DACH2: variants seen among roughly 807,000 people sequenced by gnomAD.
The protein encoded by DACH2 is dachshund family transcription factor 2.
Under a neutral mutation model 35.8 loss-of-function variants are expected in DACH2, and 17 were observed. The ratio of observed to expected loss-of-function variants is 0.48; its 90% CI spans 0.33 to 0.71. DACH2 has a LOEUF of 0.71. Ranked by LOEUF, DACH2 falls within the 30% of genes least tolerant of loss-of-function variation. The probability of loss-of-function intolerance (pLI) is 0.02; values close to 1 mark genes in which losing one functional copy is unlikely to be tolerated. For missense variants in DACH2, 469 were observed against 472.7 expected, an observed-to-expected ratio of 0.99 and a Z score of 0.07; for synonymous variants, 195 against 177.3, an observed-to-expected ratio of 1.10 and a Z score of -0.79.
chrX:86,340,504 G>A (rs924621736), intron 1 of DACH2, among the ~76,000 whole-genome samples: 1 of 110,659 alleles, frequency 9.0e-6, no homozygotes, highest in African/African-American at 3.3e-5. Flanking sequence ...CTCCTTGGGC[G>A]TCCCTATTCC....
intron 1 of DACH2, among the ~76,000 whole-genome samples, chrX:86,166,865 C>T (rs767360118): frequency 8.8e-4 from 98 of 111,439 alleles, no homozygotes; most frequent in Middle Eastern, 9.2e-3. Flanking sequence ...TGTGTCAAAA[C>T]GATTGATTTG....
intron 1 of DACH2, among the ~76,000 whole-genome samples, chrX:86,218,603 A>G (rs1009410539): frequency 1.8e-5 from 2 of 112,122 alleles, no homozygotes; most frequent in Non-Finnish European, 3.8e-5. Flanking sequence ...GTATAATTAC[A>G]TGAATTTTAA....
intron 4 of DACH2, among the ~76,000 whole-genome samples, chrX:86,677,292 C>G (rs1458767493): frequency 8.9e-6 from 1 of 111,750 alleles, no homozygotes; most frequent in Non-Finnish European, 1.9e-5. Flanking sequence ...TCTAAAGATG[C>G]CTTAAAGCAT....
intron 7 of DACH2, among the ~76,000 whole-genome samples, chrX:86,796,446 T>C (rs1316418424): frequency 9.0e-6 from 1 of 111,650 alleles, no homozygotes; most frequent in East Asian, 2.8e-4. Flanking sequence ...AAACTGAAAA[T>C]AACTTCATGG....
intron 4 of DACH2, among the ~76,000 whole-genome samples, chrX:86,680,331 T>C (rs955067950): frequency 1.8e-5 from 2 of 112,166 alleles, no homozygotes; most frequent in Admixed American, 1.9e-4. Context: ...CCATCTATTG[T>C]GTGCAGGTAG....
intron 6 of DACH2, among the ~76,000 whole-genome samples, chrX:86,739,354 T>C (rs1052123916): frequency 9.2e-6 from 1 of 108,390 alleles, no homozygotes; most frequent in African/African-American, 3.3e-5. Flanking sequence ...CATTTGGGAG[T>C]TCTCCTTCTT....
Position 86,832,553 on chromosome X carries a change from T to G in DACH2, c.*398T>G, listed in dbSNP as rs1162660911. The G allele has an allele frequency of 1.6e-5, 2 of 123,339 alleles. No homozygotes were observed. Among genetic ancestry groups the G allele is most frequent in the African/African-American group, 6.4e-5 (2 of 31,305 alleles). The allele number at this position is 123,339 out of a possible 1,213,427, so 10.2% of individuals were successfully genotyped here. On this transcript the variant is annotated 3_prime_UTR_variant, in exon 12 of 12. Coordinates refer to ENST00000373125, the MANE Select transcript of DACH2 (RefSeq NM_053281.3). ...TAACGTTAAAGTACACCTTCTTTGT[T>G]AAAAATGTACTTGCTAAACTTCAGC...
chrX:86,802,528 GA>G (rs34700295), intron 7 of DACH2, among the ~76,000 whole-genome samples: 18,652 of 62,594 alleles, frequency 0.3, 2,233 homozygotes, highest in East Asian at 0.46. Context: ...TTTCTTGGTT[GA>G]AAAAAAAAAA....
rs1416799645 is a variant in DACH2 at position 86,575,020 on chromosome X, TA to T, written c.640+60630del. Among the ~76,000 whole-genome samples, 6 of 111,868 alleles carry T rather than the reference TA, an allele frequency of 5.4e-5. No individual in the cohort carries two copies. In the East Asian group the frequency reaches 1.7e-3, roughly 32 times the overall value. On this transcript the variant is annotated intron_variant, in intron 3 of 11. Coordinates refer to ENST00000373125, the MANE Select transcript of DACH2 (RefSeq NM_053281.3). ...ATGATAAATATTTTACAGTTATTCC[TA>T]TATCAATATGAGAGATGGGTGAAAA... is the stretch of plus-strand genomic sequence containing the variant.
intron 1 of DACH2, among the ~76,000 whole-genome samples, chrX:86,203,362 G>C (rs1280172690): frequency 9.0e-6 from 1 of 111,568 alleles, no homozygotes; most frequent in East Asian, 2.8e-4. Flanking sequence ...TACCCAAATG[G>C]TAGCTGAGAA....
chrX:86,768,090 T>A (rs2041953076), intron 7 of DACH2, among the ~76,000 whole-genome samples: 1 of 111,289 alleles, frequency 9.0e-6, no homozygotes, highest in South Asian at 3.7e-4. Flanking sequence ...GGGTAAAGGT[T>A]TAATAATATA....
intron 1 of DACH2, among the ~76,000 whole-genome samples, chrX:86,275,671 C>T (rs777433891): frequency 8.9e-6 from 1 of 111,733 alleles, no homozygotes; most frequent in Non-Finnish European, 1.9e-5. Flanking sequence ...TTTCTGTACC[C>T]ATTAACTGTC....
intron 1 of DACH2, among the ~76,000 whole-genome samples, chrX:86,329,400 G>A (rs1164585144): frequency 9.0e-6 from 1 of 111,144 alleles, no homozygotes; most frequent in Non-Finnish European, 1.9e-5. Context: ...TAAACAAAGT[G>A]AGATGTGAAG....
At chrX:86,718,179 A>G (rs1440403736) in intron 6 of DACH2, among the ~76,000 whole-genome samples, 2 of 111,440 alleles carry the variant, frequency 1.8e-5, no homozygotes, top group African/African-American at 6.5e-5. Context: ...TTCTTTTGAA[A>G]AATAGCCATT....
At chrX:86,497,695 T>A (rs1211882433) in intron 2 of DACH2, among the ~76,000 whole-genome samples, 1 of 111,912 alleles carries the variant, frequency 8.9e-6, no homozygotes, top group East Asian at 2.8e-4. Context: ...GAGTGGTCAG[T>A]AGAAGTCAAT....
chrX:86,366,535 C>T (rs2035808896), intron 1 of DACH2, among the ~76,000 whole-genome samples: 1 of 111,505 alleles, frequency 9.0e-6, no homozygotes, highest in Admixed American at 9.5e-5. Context: ...TAAATAGCTA[C>T]ATGACTTATA....
At position 86,707,912 on chromosome X, in the gene DACH2, T is replaced by TA. The variant is rs56293403; in HGVS notation, c.932-6618dup. On this transcript the variant is annotated intron_variant, in intron 5 of 11. Coordinates refer to ENST00000373125, the MANE Select transcript of DACH2 (RefSeq NM_053281.3). ...CCTGGTGACAGAGTAAGACTCCATC[T>TA]AAAAAAAAAAAAAAAAAATTACACA... 1.2e-3 allele frequency among the ~76,000 whole-genome samples: 40 copies of TA among 34,560 alleles called. 2 individuals are homozygous for TA. The highest frequency in any genetic ancestry group is 4.4e-3 in the South Asian group (4 of 902). 30.0% of individuals were successfully genotyped at this position (34,560 alleles called of 115,157 possible). A position where few individuals can be genotyped will look rare whatever the true frequency, so the allele number is the denominator to read the frequency against.
chrX:86,536,633 A>G (rs1176906575), intron 3 of DACH2, among the ~76,000 whole-genome samples: 2 of 107,581 alleles, frequency 1.9e-5, no homozygotes, highest in Non-Finnish European at 3.8e-5. Context: ...TGAATTGTCA[A>G]TCAGGAAATC....
In DACH2 at chrX:86,171,181, A is replaced by G. The variant is rs187609074; in HGVS notation, c.488+22073A>G. Among the ~76,000 whole-genome samples, 3 of 109,181 alleles carry G rather than the reference A, an allele frequency of 2.7e-5. No homozygotes were observed. In the Admixed American group the frequency reaches 2.9e-4, roughly 11 times the overall value. 94.8% of individuals were successfully genotyped at this position (109,181 alleles called of 115,157 possible). On this transcript the variant is annotated intron_variant, in intron 1 of 11. Transcript: ENST00000373125. ...GGTGAATGGTTCCCTATCCTGCTGT[A>G]GCTGAGCTGGTATTCTAAATGCAAG...
Sources: allele counts gnomAD v4.1 joint callset (sites outside exome capture counted in the v4.1 genomes callset), GRCh38; gene constraint gnomAD v4.1.1; transcripts MANE v1.5; gene names NCBI Gene and HGNC (gene_info 2026-07-23, HGNC 2026-07-21).